Variants in CCDC83 observed in about 807,000 individuals in gnomAD.
CCDC83 encodes the protein coiled-coil domain containing 83, also known as coiled-coil domain-containing protein 83.
In CCDC83, 54 loss-of-function variants were observed where a neutral mutation model predicts 50.1. The ratio of observed to expected loss-of-function variants is 1.08; its 90% confidence interval spans 0.87 to 1.35. The LOEUF (loss-of-function observed/expected upper bound fraction) is 1.35. Ranked by LOEUF, CCDC83 falls within the 40% of genes most tolerant of loss-of-function variation. The pLI, the probability that CCDC83 is intolerant of heterozygous loss-of-function variation, is 0.00. For missense variants in CCDC83, 518 were observed against 473.9 expected (o/e 1.09, Z -0.86); for synonymous variants, 161 against 153.3 (o/e 1.05, Z -0.37).
At chr11:85,859,395 G>A (rs1007883445) in intron 1 of CCDC83, among the ~76,000 whole-genome samples, 2 of 152,076 alleles carry the variant, frequency 1.3e-5, no homozygotes, top group Non-Finnish European at 2.9e-5. Flanking sequence ...AAAGCCAGGG[G>A]AATCACACTA....
intron 7 of CCDC83, among the ~76,000 whole-genome samples, chr11:85,910,037 T>C (rs1188965465): frequency 1.3e-5 from 2 of 152,198 alleles, no homozygotes; most frequent in African/African-American, 4.8e-5. Flanking sequence ...CACACTAAAA[T>C]GGTCATGCCT....
At position 85,893,576 on chromosome 11, in the gene CCDC83, C is replaced by T. The variant is rs114193640; in HGVS notation, c.512-1717C>T. ...GATTAGTCTGTGGCCTGTTAAGAACCGGGCCACACAGCAGGAGGTGAACAG... is the reference window on the plus strand; with the variant it reads ...GATTAGTCTGTGGCCTGTTAAGAACTGGGCCACACAGCAGGAGGTGAACAG... On this transcript the variant is annotated intron_variant, in intron 5 of 10. Coordinates refer to ENST00000342404, the MANE Select transcript of CCDC83 (RefSeq NM_001286159.2). Among the ~76,000 whole-genome samples, 516 of 152,324 alleles carry T rather than the reference C, an allele frequency of 3.4e-3. 2 individuals are homozygous for T. The highest frequency in any genetic ancestry group is 0.012 in the African/African-American group (505 of 41,580).
At chr11:85,890,688 C>T (rs192412487) in intron 5 of CCDC83, among the ~76,000 whole-genome samples, 1 of 152,134 alleles carries the variant, frequency 6.6e-6, no homozygotes, top group African/African-American at 2.4e-5. Context: ...GCTTTCTTAC[C>T]GTTTTCCATG....
At position 85,879,492 on chromosome 11, in the gene CCDC83, C is replaced by T. The variant is rs146707192; in HGVS notation, c.181-3021C>T. ...AAGATATACAAATGGCTAACAAGCA[C>T]ATGAAAAGATGCTCAACATAGTTAT... On this transcript the variant is annotated intron_variant, in intron 3 of 10. Coordinates refer to ENST00000342404, the MANE Select transcript of CCDC83 (RefSeq NM_001286159.2). Among the ~76,000 whole-genome samples, 581 of 152,160 alleles carry T rather than the reference C, an allele frequency of 3.8e-3. 6 individuals carry two copies. The highest frequency in any genetic ancestry group is 0.014 in the African/African-American group (567 of 41,496).
intron 7 of CCDC83, among the ~76,000 whole-genome samples, chr11:85,904,556 A>C (rs1167794702): frequency 6.6e-6 from 1 of 152,224 alleles, no homozygotes; most frequent in African/African-American, 2.4e-5. Flanking sequence ...AGCTACATGC[A>C]GTTCTTGTTA....
intron 2 of CCDC83, among the ~76,000 whole-genome samples, chr11:85,866,254 G>A (rs1326332872): frequency 6.6e-6 from 1 of 152,184 alleles, no homozygotes; most frequent in East Asian, 1.9e-4. Flanking sequence ...CTTCATTCAT[G>A]TACTTATTCA....
intron 4 of CCDC83, 75 bp from the exon 5 acceptor site, chr11:85,886,125 C>T (rs1461461183): frequency 8.4e-7 from 1 of 1,188,166 alleles, no homozygotes; most frequent in African/African-American, 1.6e-5. Context: ...CAGATCTTAA[C>T]TTCTTAAAAC....
At chr11:85,917,626 A>G (rs1056926864) in intron 10 of CCDC83, among the ~76,000 whole-genome samples, 4 of 152,222 alleles carry the variant, frequency 2.6e-5, no homozygotes, top group Admixed American at 1.3e-4. Context: ...TTGATACTTT[A>G]AAAGTTCTCC....
chr11:85,887,547 G>T (rs534182750), intron 5 of CCDC83, among the ~76,000 whole-genome samples: 1 of 152,040 alleles, frequency 6.6e-6, no homozygotes, highest in African/African-American at 2.4e-5. Flanking sequence ...TTGTCAAAAG[G>T]TTCTTCTTCT....
intron 1 of CCDC83, among the ~76,000 whole-genome samples, chr11:85,862,326 G>C (rs748291992): frequency 6.6e-6 from 1 of 152,112 alleles, no homozygotes; most frequent in Admixed American, 6.5e-5. Context: ...CTTACATCAC[G>C]GTGTATGTTT....
intron 2 of CCDC83, among the ~76,000 whole-genome samples, chr11:85,869,675 T>G (rs2093226601): frequency 1.3e-5 from 2 of 152,254 alleles, no homozygotes; most frequent in Non-Finnish European, 2.9e-5. Flanking sequence ...TATTGCTTTA[T>G]TATCACCCCA....
rs764105304 is a variant in CCDC83, at chr11:85,916,035, G to A, written c.882G>A (p.Lys294=). The A allele has an allele frequency of 6.2e-7, 1 of 1,604,114 alleles. No individual in the cohort carries two copies. Among genetic ancestry groups the A allele is most frequent in the Non-Finnish European group, 8.5e-7 (1 of 1,173,558 alleles). The part of the protein sequence containing the change: ...LELPETHIEE[K]SELQPTEVES... ...CCTTTGTATTTATCCAAGAAGAGAA[G>A]TCAGAATTGCAACCCACAGAAGTAG... Residue 294 remains lysine, a synonymous_variant, in exon 10 of 11, where the codon AAG becomes AAA. Coordinates refer to ENST00000342404, the MANE Select transcript of CCDC83 (RefSeq NM_001286159.2).
At position 85,909,609 on chromosome 11, in the gene CCDC83, C is replaced by CTTTTTTTTTTTT. The variant is rs71468972; in HGVS notation, c.673-1652_673-1641dup. Among the ~76,000 whole-genome samples, 228 of 57,730 alleles carry CTTTTTTTTTTTT rather than the reference C, an allele frequency of 3.9e-3. 42 individuals carry two copies. The highest frequency in any genetic ancestry group is 5.9e-3 in the Non-Finnish European group (181 of 30,920). 37.9% of individuals were successfully genotyped at this position (57,730 alleles called of 152,430 possible). A position where few individuals can be genotyped will look rare whatever the true frequency, so the allele number is the denominator to read the frequency against. On this transcript the variant is annotated intron_variant, in intron 7 of 10. Coordinates refer to ENST00000342404, the MANE Select transcript of CCDC83 (RefSeq NM_001286159.2). ...TTTGGACAAAAGTCATCAAAATACACTTTTTTTTTTTTTTTTTTTTTTTTT... is the reference window on the plus strand; with the variant it reads ...TTTGGACAAAAGTCATCAAAATACACTTTTTTTTTTTTTTTTTTTTTTTTTTTTTTTTTTTTT...
intron 8 of CCDC83, chr11:85,912,687 GTCA>G: frequency 6.2e-7 from 1 of 1,612,650 alleles, no homozygotes. Flanking sequence ...TCTAATCCTC[GTCA>G]TCTGCTGCTG....
At chr11:85,863,528 G>A (rs1016246238) in intron 1 of CCDC83, among the ~76,000 whole-genome samples, 3 of 152,210 alleles carry the variant, frequency 2.0e-5, no homozygotes, top group African/African-American at 4.8e-5. Context: ...TCATGTATAT[G>A]CTCAAATTAG....
At chr11:85,880,630 T>G (rs2093294665) in intron 3 of CCDC83, among the ~76,000 whole-genome samples, 1 of 151,984 alleles carries the variant, frequency 6.6e-6, no homozygotes, top group Admixed American at 6.6e-5. Context: ...ATGCAAGTCC[T>G]ATACATGTTT....
intron 6 of CCDC83, among the ~76,000 whole-genome samples, 164 bp from the exon 7 acceptor site, chr11:85,898,783 G>A (rs2093387043): frequency 1.3e-5 from 2 of 152,146 alleles, no homozygotes; most frequent in African/African-American, 4.8e-5. Flanking sequence ...CAATACAATA[G>A]GATAGTAAAG....
chr11:85,862,344 C>T (rs1386060260), intron 1 of CCDC83, among the ~76,000 whole-genome samples: 1 of 152,062 alleles, frequency 6.6e-6, no homozygotes, highest in Non-Finnish European at 1.5e-5. Flanking sequence ...TTTTAGAGAC[C>T]TCAGACACAG....
chr11:85,908,613 A>AGATAGAAT (rs2093437333), intron 7 of CCDC83, among the ~76,000 whole-genome samples: 1 of 132,774 alleles, frequency 7.5e-6, no homozygotes, highest in African/African-American at 2.8e-5. Context: ...ATAGATAGAC[A>AGATAGAAT]GATAGAATTC....
Sources: gnomAD v4.1 joint callset for allele counts (sites outside exome capture counted in the v4.1 genomes callset) on GRCh38, gnomAD v4.1.1 for gene constraint, MANE v1.5 for transcripts, NCBI Gene and HGNC (gene_info 2026-07-23, HGNC 2026-07-21) for gene names.